PUDP: variants seen among roughly 807,000 people sequenced by gnomAD.
PUDP encodes pseudouridine-5'-phosphatase.
PUDP carries 8 observed loss-of-function variants against 9.4 expected under a neutral mutation model. The ratio of observed to expected loss-of-function variants is 0.85; its 90% CI spans 0.50 to 1.53. The LOEUF (loss-of-function observed/expected upper bound fraction) is 1.53. Among genes scored for constraint, PUDP ranks in the 40% most tolerant of loss-of-function variants. PUDP has a pLI of 0.00. For synonymous variants in PUDP, 99 were observed against 80.7 expected, an observed-to-expected ratio of 1.23 and a Z score of -1.22; for missense variants, 188 against 189.7, an observed-to-expected ratio of 0.99 and a Z score of 0.05.
intron 1 of PUDP, among the ~76,000 whole-genome samples, chrX:7,003,221 TTC>T (rs1929352324): frequency 9.0e-6 from 1 of 111,620 alleles, no homozygotes; most frequent in Admixed American, 9.5e-5. Context: ...TTGGTCAACA[TTC>T]TGACTCTATA....
intron 3 of PUDP, among the ~76,000 whole-genome samples, chrX:6,900,018 G>A (rs1015986236): frequency 9.0e-6 from 1 of 111,023 alleles, no homozygotes; most frequent in Non-Finnish European, 1.9e-5. Context: ...TTCAAGACCA[G>A]CCTGGGCAAC....
At chrX:6,815,462 A>AT (rs745412146) in intron 3 of PUDP, among the ~76,000 whole-genome samples, 7 of 112,467 alleles carry the variant, frequency 6.2e-5, no homozygotes, top group African/African-American at 2.3e-4. Flanking sequence ...AGTCCAGAGA[A>AT]TTTCAAATAT....
At chrX:7,011,662 G>C (rs143671015) in intron 1 of PUDP, among the ~76,000 whole-genome samples, 4,593 of 112,078 alleles carry the variant, frequency 0.041, 252 homozygotes, top group African/African-American at 0.14. Context: ...GTGGGGAGCA[G>C]GCAGCACCCC....
intron 3 of PUDP, among the ~76,000 whole-genome samples, chrX:6,929,517 G>A (rs1330323201): frequency 8.9e-6 from 1 of 112,598 alleles, no homozygotes; most frequent in African/African-American, 3.2e-5. Flanking sequence ...GTTATGACAA[G>A]GGGTTGTGGA....
At chrX:6,751,668 T>C (rs1925087233) in intron 3 of PUDP, among the ~76,000 whole-genome samples, 1 of 111,672 alleles carries the variant, frequency 9.0e-6, no homozygotes, top group Non-Finnish European at 1.9e-5. Context: ...TTAAGAGACG[T>C]CAGAAATATA....
intron 1 of PUDP, among the ~76,000 whole-genome samples, chrX:7,106,682 T>C (rs1434650911): frequency 9.0e-6 from 1 of 111,517 alleles, no homozygotes; most frequent in African/African-American, 3.3e-5. Flanking sequence ...AATCCTACTT[T>C]ACAGAATGAA....
At chrX:6,964,652 C>T (rs371032633) in intron 3 of PUDP, among the ~76,000 whole-genome samples, 4 of 109,142 alleles carry the variant, frequency 3.7e-5, no homozygotes, top group Non-Finnish European at 7.6e-5. Flanking sequence ...CCAGCCTGGG[C>T]GACAAAGCAA....
chrX:6,897,414 A>AGCCCCTTGCAGCC (rs1301728233), intron 3 of PUDP, among the ~76,000 whole-genome samples: 4 of 111,582 alleles, frequency 3.6e-5, no homozygotes, highest in Non-Finnish European at 7.5e-5. Flanking sequence ...TCCTTGCAGT[A>AGCCCCTTGCAGCC]GCCCCTTGCA....
At chrX:6,864,618 C>A (rs993598926) in intron 3 of PUDP, among the ~76,000 whole-genome samples, 12 of 111,693 alleles carry the variant, frequency 1.1e-4, no homozygotes, top group Admixed American at 3.8e-4. Flanking sequence ...TCTCACTGGG[C>A]TAAAACCTGT....
At chrX:6,780,325 G>A (rs1299708773) in intron 3 of PUDP, among the ~76,000 whole-genome samples, 1 of 109,583 alleles carries the variant, frequency 9.1e-6, no homozygotes, top group Non-Finnish European at 1.9e-5. Context: ...GAACTTTTAA[G>A]ATCCCATCAA....
intron 3 of PUDP, among the ~76,000 whole-genome samples, chrX:6,971,213 G>T (rs1468195798): frequency 9.0e-6 from 1 of 110,614 alleles, no homozygotes; most frequent in Non-Finnish European, 1.9e-5. Flanking sequence ...TTTTTCTGAG[G>T]CCTCTGTTCT....
chrX:6,732,659 A>G (rs1924824157), intron 3 of PUDP, among the ~76,000 whole-genome samples: 2 of 107,073 alleles, frequency 1.9e-5, no homozygotes, highest in Non-Finnish European at 3.9e-5. Flanking sequence ...AGGAAGGTAA[A>G]AGTAAGGGAG....
chrX:6,709,880 T>C (rs1343927166), intron 1 of PUDP, among the ~76,000 whole-genome samples: 1 of 112,028 alleles, frequency 8.9e-6, no homozygotes, highest in Non-Finnish European at 1.9e-5. Context: ...CCCAGCACTT[T>C]GGGAGGCCAA....
intron 3 of PUDP, among the ~76,000 whole-genome samples, chrX:6,856,739 T>C (rs1392013406): frequency 4.5e-5 from 5 of 111,586 alleles, no homozygotes; most frequent in South Asian, 3.8e-4. Context: ...CCCTAACAAT[T>C]GATTAAATAT....
intron 3 of PUDP, among the ~76,000 whole-genome samples, chrX:6,942,970 G>T (rs755436961): frequency 8.9e-6 from 1 of 112,423 alleles, no homozygotes; most frequent in South Asian, 3.7e-4. Context: ...AACTGTGAGA[G>T]AATAAATTTC....
At chrX:7,061,993 C>G (rs560074331) in intron 3 of PUDP, among the ~76,000 whole-genome samples, 19 of 112,169 alleles carry the variant, frequency 1.7e-4, no homozygotes, top group East Asian at 2.8e-4. Context: ...CACTAAATAT[C>G]TCAATTACTA....
chrX:7,078,261 T>C (rs765647707), intron 2 of PUDP, among the ~76,000 whole-genome samples: 17 of 112,353 alleles, frequency 1.5e-4, no homozygotes, highest in African/African-American at 5.2e-4. Flanking sequence ...AACAGGAACA[T>C]CTAAATCCAC....
chrX:6,992,932 T>G (rs772911509), intron 1 of PUDP, among the ~76,000 whole-genome samples: 1 of 111,717 alleles, frequency 9.0e-6, no homozygotes, highest in East Asian at 2.8e-4. Context: ...GGCCTCCATC[T>G]TTCTCCCATG....
At chrX:7,119,966 A>G (rs561825689) in intron 1 of PUDP, among the ~76,000 whole-genome samples, 8 of 112,160 alleles carry the variant, frequency 7.1e-5, no homozygotes, top group African/African-American at 2.6e-4. Flanking sequence ...ACATATGGAT[A>G]AAGGGGCTTT....
Sources: allele counts gnomAD v4.1 joint callset (sites outside exome capture counted in the v4.1 genomes callset), GRCh38; gene constraint gnomAD v4.1.1; transcripts MANE v1.5; gene names NCBI Gene and HGNC (gene_info 2026-07-23, HGNC 2026-07-21).